LYPLAL1: variants seen among roughly 807,000 people sequenced by gnomAD.
LYPLAL1 encodes lysophospholipase like 1.
A neutral mutation model predicts 19.7 loss-of-function variants in LYPLAL1; 23 were observed. That is an observed-to-expected ratio of 1.17 (90% confidence interval 0.84 to 1.65). The LOEUF (loss-of-function observed/expected upper bound fraction) is 1.65, where lower values mean the gene tolerates loss of function less well. Among genes scored for constraint, LYPLAL1 ranks in the 40% most tolerant of loss-of-function variants. The pLI, the probability that LYPLAL1 is intolerant of heterozygous loss-of-function variation, is 0.00. For synonymous variants in LYPLAL1, 119 were observed against 96.3 expected, an observed-to-expected ratio of 1.24 and a Z score of -1.38; for missense variants, 355 against 279.4, an observed-to-expected ratio of 1.27 and a Z score of -1.93.
At chr1:219,278,420 C>T in the LYPLAL1 span, among the ~76,000 whole-genome samples, 7 of 152,156 alleles carry the variant, frequency 4.6e-5, no homozygotes, top group Non-Finnish European at 1.0e-4. Context: ...TGTAAGAATT[C>T]ATTTAATCAT....
chr1:219,363,715 C>T, the LYPLAL1 span, among the ~76,000 whole-genome samples: 1 of 152,168 alleles, frequency 6.6e-6, no homozygotes, highest in Non-Finnish European at 1.5e-5. Context: ...TTCTCTCATT[C>T]ACATAATTCT....
the LYPLAL1 span, among the ~76,000 whole-genome samples, chr1:219,233,781 A>AG: frequency 6.6e-6 from 1 of 151,398 alleles, no homozygotes; most frequent in African/African-American, 2.4e-5. Context: ...CAAAAAAAAA[A>AG]AGATGATAAA....
At chr1:219,205,437 T>C (rs1658497033) in intron 3 of LYPLAL1, among the ~76,000 whole-genome samples, 1 of 152,106 alleles carries the variant, frequency 6.6e-6, no homozygotes, top group Non-Finnish European at 1.5e-5. Context: ...TATAAAATTT[T>C]GTAATTCTGT....
chr1:219,313,460 G>C, the LYPLAL1 span, among the ~76,000 whole-genome samples: 27 of 152,050 alleles, frequency 1.8e-4, no homozygotes, highest in Non-Finnish European at 4.4e-5. Context: ...GAAAGGCTGT[G>C]TGAAAATTTA....
the LYPLAL1 span, among the ~76,000 whole-genome samples, chr1:219,380,853 G>A: frequency 6.6e-6 from 1 of 152,188 alleles, no homozygotes; most frequent in Admixed American, 6.5e-5. Flanking sequence ...GTCCTAGTGA[G>A]AAAACAAATG....
At chr1:219,329,606 C>T in the LYPLAL1 span, among the ~76,000 whole-genome samples, 2 of 152,126 alleles carry the variant, frequency 1.3e-5, no homozygotes, top group Non-Finnish European at 2.9e-5. Context: ...TTATGCATTT[C>T]AAAGAAGGCA....
chr1:219,444,776 A>G, the LYPLAL1 span, among the ~76,000 whole-genome samples: 1 of 152,220 alleles, frequency 6.6e-6, no homozygotes, highest in African/African-American at 2.4e-5. Context: ...TGTTAAACTA[A>G]GCCCCTGGAG....
chr1:219,301,452 G>A, the LYPLAL1 span, among the ~76,000 whole-genome samples: 11 of 152,126 alleles, frequency 7.2e-5, no homozygotes. Flanking sequence ...AAAGGAATTT[G>A]TGATTATAGA....
chr1:219,227,664 G>GA, the LYPLAL1 span, among the ~76,000 whole-genome samples: 2 of 152,146 alleles, frequency 1.3e-5, no homozygotes, highest in East Asian at 3.9e-4. Flanking sequence ...AAAAAAAATT[G>GA]AAAAATGACA....
the LYPLAL1 span, among the ~76,000 whole-genome samples, chr1:219,320,219 G>T: frequency 6.6e-6 from 1 of 151,784 alleles, no homozygotes; most frequent in South Asian, 2.1e-4. Context: ...TTACCTGCTG[G>T]GATGACACAG....
chr1:219,297,108 T>TC, the LYPLAL1 span, among the ~76,000 whole-genome samples: 1 of 152,230 alleles, frequency 6.6e-6, no homozygotes, highest in Non-Finnish European at 1.5e-5. Flanking sequence ...TATTTTGGAC[T>TC]CTGTTTCTCT....
chr1:219,341,308 A>G, the LYPLAL1 span, among the ~76,000 whole-genome samples: 1 of 152,104 alleles, frequency 6.6e-6, no homozygotes, highest in African/African-American at 2.4e-5. Flanking sequence ...ATTACTTTTA[A>G]CAATATATTA....
At chr1:219,404,190 C>T in the LYPLAL1 span, among the ~76,000 whole-genome samples, 1 of 152,118 alleles carries the variant, frequency 6.6e-6, no homozygotes, top group African/African-American at 2.4e-5. Flanking sequence ...TTCTCATGAC[C>T]TTATCTAAAC....
At chr1:219,248,998 G>T in the LYPLAL1 span, among the ~76,000 whole-genome samples, 1 of 151,960 alleles carries the variant, frequency 6.6e-6, no homozygotes, top group Admixed American at 6.6e-5. Context: ...GATAGTGGTT[G>T]TATTCAAATA....
the LYPLAL1 span, among the ~76,000 whole-genome samples, chr1:219,403,350 G>A: frequency 6.6e-6 from 1 of 152,330 alleles, no homozygotes; most frequent in East Asian, 1.9e-4. Flanking sequence ...GATTGCAGAA[G>A]AGGGCCTCTT....
chr1:219,276,202 C>T, the LYPLAL1 span, among the ~76,000 whole-genome samples: 1 of 152,082 alleles, frequency 6.6e-6, no homozygotes, highest in Admixed American at 6.5e-5. Context: ...ATTGGACTTG[C>T]CATTGTGTCT....
chr1:219,222,014 A>G, the LYPLAL1 span, among the ~76,000 whole-genome samples: 4 of 152,170 alleles, frequency 2.6e-5, no homozygotes, highest in African/African-American at 9.7e-5. Flanking sequence ...TAGGATGATA[A>G]CTCACGTGCT....
chr1:219,401,619 T>C, the LYPLAL1 span, among the ~76,000 whole-genome samples: 2 of 152,096 alleles, frequency 1.3e-5, no homozygotes, highest in Admixed American at 6.5e-5. Context: ...CAAATGCAAA[T>C]ATAGAATTAA....
the LYPLAL1 span, among the ~76,000 whole-genome samples, chr1:219,261,451 G>A: frequency 3.9e-5 from 6 of 152,150 alleles, no homozygotes; most frequent in South Asian, 2.1e-4. Context: ...CTGATCCAGC[G>A]ATAATGAGCT....
Sources: gnomAD v4.1 joint callset for allele counts (sites outside exome capture counted in the v4.1 genomes callset) on GRCh38, gnomAD v4.1.1 for gene constraint, MANE v1.5 for transcripts, NCBI Gene and HGNC (gene_info 2026-07-23, HGNC 2026-07-21) for gene names.